Variants in FANCF observed in about 807,000 individuals in gnomAD.
FANCF encodes Fanconi anemia group F protein.
For missense variants in FANCF, 552 were observed against 481.8 expected, an observed-to-expected ratio of 1.15 and a Z score of -1.36; for synonymous variants, 257 against 205.9, an observed-to-expected ratio of 1.25 and a Z score of -2.13.
In FANCF at chr11:22,625,502, G is replaced by A. The variant is rs2133798135; in HGVS notation, c.309C>T (p.Leu103=). Residue 103 remains leucine (L), a synonymous_variant, in exon 1 of 1, where the codon CTC becomes CTT. Transcript: ENST00000327470. The part of the protein sequence containing the change: ...LSLRLLENRA[L]GDAARYHLVQ... ...CCAGGTGGTAACGAGCTGCATCCCC[G>A]AGGGCCCGGTTCTCCAGCAGGCGCA... 1 of 1,614,190 alleles carries A rather than the reference G, an allele frequency of 6.2e-7. No individual in the cohort carries two copies. Among genetic ancestry groups the A allele is most frequent in the Non-Finnish European group, 8.5e-7 (1 of 1,180,026 alleles).
Position 22,625,048 on chromosome 11 carries a change from G to C in FANCF, c.763C>G (p.Leu255Val), listed in dbSNP as rs1858621255. The C allele has an allele frequency of 6.2e-7, 1 of 1,614,200 alleles. No individual in the cohort carries two copies. The highest frequency in any genetic ancestry group is 1.3e-5 in the African/African-American group (1 of 75,056). The change falls in exon 1 of 1, where the codon CTC becomes GTC. Residue 255 changes from leucine to valine, a missense_variant. Physicochemically the swap from Leu to Val is conservative, Grantham distance 32. Coordinates refer to ENST00000327470, the MANE Select transcript of FANCF (RefSeq NM_022725.4). ...SEVFAAFCRALPAGLLTLVTS... is the reference protein window; with the variant it reads ...SEVFAAFCRAVPAGLLTLVTS... Reference sequence around the variant, plus strand: ...ACTAAAGTCAAAAGCCCGGCTGGGAGGGCGCGACAAAAGGCAGCAAAGACT... The same window carrying C: ...ACTAAAGTCAAAAGCCCGGCTGGGACGGCGCGACAAAAGGCAGCAAAGACT...
In FANCF at chr11:22,624,445, G is replaced by T; in HGVS notation, c.*241C>A. 3.7e-6 allele frequency: 2 copies of T among 539,744 alleles called. No individual in the cohort carries two copies. The highest frequency in any genetic ancestry group is 2.3e-5 in the South Asian group (1 of 42,592). The allele number at this position is 539,744 out of a possible 1,614,324, so 33.4% of individuals were successfully genotyped here. ...TTACAAATGGGCCTTCTATTAAAAA[G>T]CAAACTATTGCTAATTCCATGGCTT... On this transcript the variant is annotated 3_prime_UTR_variant, in exon 1 of 1. Coordinates refer to ENST00000327470, the MANE Select transcript of FANCF (RefSeq NM_022725.4).
Position 22,622,619 on chromosome 11 carries a change from G to C in FANCF, c.*2067C>G, listed in dbSNP as rs2133794558. On this transcript the variant is annotated 3_prime_UTR_variant, in exon 1 of 1. Transcript: ENST00000327470. ...AGAAAGTATATAAAGCTCTAATGCT[G>C]GTTTCATTTATTCAAACACTACAAG... The C allele has an allele frequency of 5.4e-6, 1 of 184,456 alleles. No homozygotes were observed. Among genetic ancestry groups the C allele is most frequent in the East Asian group, 8.8e-5 (1 of 11,330 alleles). The allele number at this position is 184,456 out of a possible 1,614,324, so 11.4% of individuals were successfully genotyped here.
chr11:22,624,485 C>T lies in FANCF; in HGVS notation c.*201G>A. 1.6e-6 allele frequency: 1 copy of T among 606,406 alleles called. No homozygotes were observed. The highest frequency in any genetic ancestry group is 2.9e-6 in the Non-Finnish European group (1 of 345,312). The allele number at this position is 606,406 out of a possible 1,614,324, so 37.6% of individuals were successfully genotyped here. The stretch of plus-strand genomic sequence containing the variant: ...TTCCATGGCTTTAAGTGGAGTACTT[C>T]CAATCACTTCCTCTATCCAGAAAAT... On this transcript the variant is annotated 3_prime_UTR_variant, in exon 1 of 1. Coordinates refer to ENST00000327470, the MANE Select transcript of FANCF (RefSeq NM_022725.4).
Position 22,624,669 on chromosome 11 carries a change from T to G in FANCF, c.*17A>C. The G allele has an allele frequency of 6.2e-7, 1 of 1,611,042 alleles. No individual in the cohort carries two copies. ...GTAAACTATATATTCTATATTCAAG[T>G]AATAACACAGCATTGCCTATACAGA... On this transcript the variant is annotated 3_prime_UTR_variant, in exon 1 of 1. Transcript: ENST00000327470.
In FANCF at chr11:22,625,560, T is replaced by C. The variant is rs756488831; in HGVS notation, c.251A>G (p.Gln84Arg). Residue 84 changes from glutamine to arginine, a missense_variant, in exon 1 of 1, where the codon CAG becomes CGG. Transcript: ENST00000327470. ...RGPVPGLANFQALGHCDVLLS... is the reference protein window; with the variant it reads ...RGPVPGLANFRALGHCDVLLS... The stretch of plus-strand genomic sequence containing the variant: ...CAGGACGTCACAGTGACCGAGGGCC[T>C]GGAAGTTCGCTAATCCCGGAACTGG... 1.3e-5 allele frequency: 21 copies of C among 1,614,042 alleles called. No individual in the cohort carries two copies. The highest frequency in any genetic ancestry group is 1.4e-5 in the Non-Finnish European group (17 of 1,180,012).
rs749718315 is a variant in FANCF at position 22,624,850 on chromosome 11, G to C, written c.961C>G (p.Leu321Val). 1.2e-6 allele frequency: 2 copies of C among 1,614,192 alleles called. No individual in the cohort carries two copies. The highest frequency in any genetic ancestry group is 1.7e-6 in the Non-Finnish European group (2 of 1,180,038). Reference sequence around the variant, plus strand: ...AGGGCAGTTAGAACTTTATCTTTCAGAGGTGGAGGGGCCTGACAGAGGCTT... The same window carrying C: ...AGGGCAGTTAGAACTTTATCTTTCACAGGTGGAGGGGCCTGACAGAGGCTT... The part of the protein sequence containing the change: ...FQSLCQAPPP[L>V]KDKVLTALET... The change falls in exon 1 of 1, where the codon CTG becomes GTG. Residue 321 changes from leucine to valine, a missense_variant. Coordinates refer to ENST00000327470, the MANE Select transcript of FANCF (RefSeq NM_022725.4).
rs1590540128 is a variant in FANCF at position 22,624,501 on chromosome 11, T to A, written c.*185A>T. The stretch of plus-strand genomic sequence containing the variant: ...GGAGTACTTCCAATCACTTCCTCTA[T>A]CCAGAAAATCCGTGACACTACATGC... On this transcript the variant is annotated 3_prime_UTR_variant, in exon 1 of 1. Coordinates refer to ENST00000327470, the MANE Select transcript of FANCF (RefSeq NM_022725.4). 1.6e-6 allele frequency: 1 copy of A among 626,206 alleles called. No individual in the cohort carries two copies. The highest frequency in any genetic ancestry group is 2.8e-5 in the East Asian group (1 of 36,216). 38.8% of individuals were successfully genotyped at this position (626,206 alleles called of 1,614,324 possible).
Position 22,622,977 on chromosome 11 carries a change from T to G in FANCF, c.*1709A>C, listed in dbSNP as rs1276291702. 2 of 202,210 alleles carry G rather than the reference T, an allele frequency of 9.9e-6. No homozygotes were observed. The highest frequency in any genetic ancestry group is 3.8e-4 in the South Asian group (2 of 5,274). 12.5% of individuals were successfully genotyped at this position (202,210 alleles called of 1,614,324 possible). Reference sequence around the variant, plus strand: ...TATAGGGAAGTAAGTTCACAAACTGTTATTTTCTAAAGCTAAAGCTAACAT... The same window carrying G: ...TATAGGGAAGTAAGTTCACAAACTGGTATTTTCTAAAGCTAAAGCTAACAT... On this transcript the variant is annotated 3_prime_UTR_variant, in exon 1 of 1. Coordinates refer to ENST00000327470, the MANE Select transcript of FANCF (RefSeq NM_022725.4).
In FANCF at chr11:22,625,636, C is replaced by G. The variant is rs534501505; in HGVS notation, c.175G>C (p.Glu59Gln). Residue 59 changes from glutamate to glutamine, a missense_variant, in exon 1 of 1, where the codon GAG (glutamate) becomes CAG (glutamine). Physicochemically the swap from Glu to Gln is conservative, Grantham distance 29. Coordinates refer to ENST00000327470, the MANE Select transcript of FANCF (RefSeq NM_022725.4). Reference protein sequence around the residue: ...GRHGPIRTALERRLHNQWRQE... With the variant: ...GRHGPIRTALQRRLHNQWRQE... ...CTCCACTGGTTGTGCAGCCGCCGCT[C>G]CAGAGCCGTGCGAATGGGGCCATGC... is the stretch of plus-strand genomic sequence containing the variant. 1.2e-6 allele frequency: 2 copies of G among 1,613,960 alleles called. No individual in the cohort carries two copies. The highest frequency in any genetic ancestry group is 8.5e-7 in the Non-Finnish European group (1 of 1,179,976).
rs903614523 is a variant in FANCF at position 22,625,607 on chromosome 11, T to G, written c.204A>C (p.Gln68His). ...LERRLHNQWR[Q>H]EGGFGRGPVP... ...CTGGACCCCGCCCAAAGCCGCCCTCTTGCCTCCACTGGTTGTGCAGCCGCC... is the reference window on the plus strand; with the variant it reads ...CTGGACCCCGCCCAAAGCCGCCCTCGTGCCTCCACTGGTTGTGCAGCCGCC... Residue 68 changes from glutamine (Q) to histidine (H), a missense_variant, in exon 1 of 1, where the codon CAA becomes CAC. By Grantham distance (24) the Gln-to-His change is conservative. Coordinates refer to ENST00000327470, the MANE Select transcript of FANCF (RefSeq NM_022725.4). 1.9e-6 allele frequency: 3 copies of G among 1,613,760 alleles called. No individual in the cohort carries two copies. Among genetic ancestry groups the G allele is most frequent in the South Asian group, 2.2e-5 (2 of 91,090 alleles).
In FANCF at chr11:22,624,530, C is replaced by A; in HGVS notation, c.*156G>T. 1.4e-6 allele frequency: 1 copy of A among 697,130 alleles called. No individual in the cohort carries two copies. The highest frequency in any genetic ancestry group is 2.4e-6 in the Non-Finnish European group (1 of 409,712). 43.2% of individuals were successfully genotyped at this position (697,130 alleles called of 1,614,324 possible). A position where few individuals can be genotyped will look rare whatever the true frequency, so the allele number is the denominator to read the frequency against. On this transcript the variant is annotated 3_prime_UTR_variant, in exon 1 of 1. Transcript: ENST00000327470. ...GAAAATCCGTGACACTACATGCCAG[C>A]TACTTTGCATATTTATAACTGTTTA...
chr11:22,624,329 G>C lies in FANCF; in HGVS notation c.*357C>G. On this transcript the variant is annotated 3_prime_UTR_variant, in exon 1 of 1. Coordinates refer to ENST00000327470, the MANE Select transcript of FANCF (RefSeq NM_022725.4). ...TACTGAGGGAGGGACAGAAAACCTA[G>C]AAAAATAAACCATACTAAAAGAAAA... 3.0e-6 allele frequency: 1 copy of C among 338,724 alleles called. No individual in the cohort carries two copies. Among genetic ancestry groups the C allele is most frequent in the Non-Finnish European group, 5.5e-6 (1 of 180,736 alleles). The allele number at this position is 338,724 out of a possible 1,614,324, so 21.0% of individuals were successfully genotyped here.
chr11:22,625,748 G>GGTA lies in FANCF; in HGVS notation c.60_62dup (p.Thr21dup), dbSNP rs751859593. The GGTA allele has an allele frequency of 6.2e-7, 1 of 1,614,208 alleles. No homozygotes were observed. Among genetic ancestry groups the GGTA allele is most frequent in the South Asian group, 1.1e-5 (1 of 91,078 alleles). On this transcript the variant is annotated inframe_insertion, in exon 1 of 1. Transcript: ENST00000327470. Reference sequence around the variant, plus strand: ...TGGCGGGGTCCCAGGTGCTGACGTAGGTAGTGCTTGAGACCGCCAGAAGCT... The same window carrying GGTA: ...TGGCGGGGTCCCAGGTGCTGACGTAGGTAGTAGTGCTTGAGACCGCCAGAAGCT...
chr11:22,625,561 G>A lies in FANCF; in HGVS notation c.250C>T (p.Gln84Ter), dbSNP rs1858633566. The stretch of plus-strand genomic sequence containing the variant: ...AGGACGTCACAGTGACCGAGGGCCT[G>A]GAAGTTCGCTAATCCCGGAACTGGA... ...RGPVPGLANF[Q>*]ALGHCDVLLS... Residue 84 changes from glutamine to a stop codon, truncating the protein, a stop_gained, in exon 1 of 1, where the codon CAG becomes TAG. Transcript: ENST00000327470. LOFTEE classifies it low-confidence loss of function (END_TRUNC). The A allele has an allele frequency of 2.5e-6, 4 of 1,614,068 alleles. No homozygotes were observed. Among genetic ancestry groups the A allele is most frequent in the Non-Finnish European group, 3.4e-6 (4 of 1,180,030 alleles).
rs754038954 is a variant in FANCF at position 22,625,625 on chromosome 11, C to A, written c.186G>T (p.Leu62=). The change falls in exon 1 of 1, where the codon CTG becomes CTT. Residue 62 remains leucine (L), a synonymous_variant. Transcript: ENST00000327470. Reference sequence around the variant, plus strand: ...CGCCCTCTTGCCTCCACTGGTTGTGCAGCCGCCGCTCCAGAGCCGTGCGAA... The same window carrying A: ...CGCCCTCTTGCCTCCACTGGTTGTGAAGCCGCCGCTCCAGAGCCGTGCGAA... ...GPIRTALERR[L]HNQWRQEGGF... is the part of the protein sequence containing the mutation. 41 of 1,613,552 alleles carry A rather than the reference C, an allele frequency of 2.5e-5. 1 individual carries two copies. The South Asian group carries it at 4.4e-4, about 17-fold the overall frequency.
Position 22,624,274 on chromosome 11 carries a change from A to T in FANCF, c.*412T>A, listed in dbSNP as rs1310827545. On this transcript the variant is annotated 3_prime_UTR_variant, in exon 1 of 1. Coordinates refer to ENST00000327470, the MANE Select transcript of FANCF (RefSeq NM_022725.4). ...ACAGCTTTTCAAACCAATATTCCTG[A>T]CACTGCCAGGAATAAAGAAAACTCT... 19 of 291,770 alleles carry T rather than the reference A, an allele frequency of 6.5e-5. No homozygotes were observed. The highest frequency in any genetic ancestry group is 6.6e-5 in the South Asian group (1 of 15,220). The allele number at this position is 291,770 out of a possible 1,614,324, so 18.1% of individuals were successfully genotyped here. A position where few individuals can be genotyped will look rare whatever the true frequency, so the allele number is the denominator to read the frequency against.
Position 22,622,563 on chromosome 11 carries a change from C to T in FANCF, c.*2123G>A, listed in dbSNP as rs45625034. 6.5e-3 allele frequency: 1,161 copies of T among 178,516 alleles called. 13 individuals are homozygous for T. Among genetic ancestry groups the T allele is most frequent in the African/African-American group, 0.026 (1,093 of 42,400 alleles). The allele number at this position is 178,516 out of a possible 1,614,324, so 11.1% of individuals were successfully genotyped here. On this transcript the variant is annotated 3_prime_UTR_variant, in exon 1 of 1. Transcript: ENST00000327470. ...TCACTTTTTTCTCTCTCAGTGTATG[C>T]GTAGATTCCTAATCTTTTCAAGTCC...
chr11:22,625,791 T>A lies in FANCF; in HGVS notation c.20A>T (p.His7Leu). 6.2e-7 allele frequency: 1 copy of A among 1,614,068 alleles called. No individual in the cohort carries two copies. The highest frequency in any genetic ancestry group is 8.5e-7 in the Non-Finnish European group (1 of 1,180,024). ...CAGAAGCTCGGAAAAGCGATCCAGG[T>A]GCTGCAGAAGGGATTCCATGAGGTG... MESLLQ[H>L]LDRFSELLAV... The change falls in exon 1 of 1, where the codon CAC (histidine) becomes CTC (leucine). Residue 7 changes from histidine (H) to leucine (L), a missense_variant. Coordinates refer to ENST00000327470, the MANE Select transcript of FANCF (RefSeq NM_022725.4).
Sources: gnomAD v4.1 joint callset for allele counts on GRCh38, gnomAD v4.1.1 for gene constraint, MANE v1.5 for transcripts, NCBI Gene and HGNC (gene_info 2026-07-23, HGNC 2026-07-21) for gene names.